DNAH11: variants seen among roughly 807,000 people sequenced by gnomAD.
The protein encoded by DNAH11 is axonemal beta dynein heavy chain 11.
In DNAH11, 442 loss-of-function variants were observed where a neutral mutation model predicts 526.0. The observed-to-expected ratio is 0.84, with a 90% CI of 0.78 to 0.91. The LOEUF is 0.91. DNAH11 is among the 40% of genes least tolerant of loss of function. DNAH11 has a pLI of 0.00. For missense variants in DNAH11, 6,989 were observed against 5,448.7 expected (o/e 1.28, Z -8.90); for synonymous variants, 2,461 against 1,935.9 (o/e 1.27, Z -7.12).
chr7:21,582,300 A>G (rs528845723), intron 9 of DNAH11, among the ~76,000 whole-genome samples: 12 of 152,336 alleles, frequency 7.9e-5, no homozygotes, highest in Non-Finnish European at 1.6e-4. Context: ...TGGCCAATGA[A>G]ATATTGATTC....
intron 6 of DNAH11, among the ~76,000 whole-genome samples, chr7:21,567,632 G>T (rs1783722207): frequency 6.6e-6 from 1 of 152,212 alleles, no homozygotes; most frequent in East Asian, 1.9e-4. Flanking sequence ...GTGCTGTGTA[G>T]ATGACCATGA....
At chr7:21,754,170 A>G (rs1786528402) in intron 54 of DNAH11, among the ~76,000 whole-genome samples, 1 of 152,132 alleles carries the variant, frequency 6.6e-6, no homozygotes, top group Admixed American at 6.6e-5. Flanking sequence ...AATAGTAGGA[A>G]TTCTGTCTTG....
chr7:21,615,982 G>A (rs1191611407), intron 21 of DNAH11, among the ~76,000 whole-genome samples: 2 of 152,094 alleles, frequency 1.3e-5, no homozygotes, highest in South Asian at 2.1e-4. Context: ...ATTTATCATC[G>A]CTACTAGAAA....
At chr7:21,857,323 C>T (rs938152078) in intron 68 of DNAH11, among the ~76,000 whole-genome samples, 2 of 151,998 alleles carry the variant, frequency 1.3e-5, no homozygotes, top group African/African-American at 4.8e-5. Context: ...TAAAGAAGTC[C>T]TAACTAAATA....
At chr7:21,769,641 C>T (rs376219275) in intron 55 of DNAH11, among the ~76,000 whole-genome samples, 3 of 152,008 alleles carry the variant, frequency 2.0e-5, no homozygotes, top group Non-Finnish European at 2.9e-5. Flanking sequence ...CACACCACCA[C>T]GCCCTGCTAA....
chr7:21,642,302 A>T (rs1374963382), intron 28 of DNAH11, among the ~76,000 whole-genome samples: 2 of 152,184 alleles, frequency 1.3e-5, no homozygotes, highest in African/African-American at 4.8e-5. Context: ...ACCATCCAAG[A>T]GTGACTTGTT....
intron 6 of DNAH11, among the ~76,000 whole-genome samples, chr7:21,569,775 T>A (rs1289386996): frequency 2.0e-5 from 3 of 152,200 alleles, no homozygotes; most frequent in African/African-American, 7.2e-5. Context: ...GCAGGCACAG[T>A]CATGCAAATT....
chr7:21,719,481 G>T (rs1307385370), intron 43 of DNAH11, among the ~76,000 whole-genome samples: 1 of 152,204 alleles, frequency 6.6e-6, no homozygotes, highest in African/African-American at 2.4e-5. Context: ...TCAGCAGATA[G>T]CGTCACGTTG....
At chr7:21,714,979 C>A (rs1007066920) in intron 42 of DNAH11, among the ~76,000 whole-genome samples, 15 of 152,298 alleles carry the variant, frequency 9.8e-5, no homozygotes, top group Non-Finnish European at 2.2e-4. Context: ...GTCACTAGTA[C>A]TTTCACCTGT....
intron 68 of DNAH11, among the ~76,000 whole-genome samples, 182 bp downstream of exon 68, chr7:21,854,637 T>A (rs1038873327): frequency 1.3e-5 from 2 of 151,866 alleles, no homozygotes; most frequent in Non-Finnish European, 2.9e-5. Context: ...CTGCCTCCCA[T>A]ATTCAAGCAA....
chr7:21,824,007 A>G (rs1790166665), intron 65 of DNAH11, among the ~76,000 whole-genome samples: 1 of 151,958 alleles, frequency 6.6e-6, no homozygotes, highest in African/African-American at 2.4e-5. Flanking sequence ...AGATTCCTGT[A>G]TAAAGCTAGA....
At chr7:21,879,443 C>CA (rs555465637) in intron 74 of DNAH11, among the ~76,000 whole-genome samples, 11 of 150,114 alleles carry the variant, frequency 7.3e-5, no homozygotes, top group African/African-American at 2.7e-4. Flanking sequence ...GACTCCATCT[C>CA]AAAAAAACAA....
chr7:21,615,328 A>G, intron 21 of DNAH11, 56 bp downstream of exon 21: 2 of 1,579,096 alleles, frequency 1.3e-6, no homozygotes, highest in South Asian at 1.2e-5. Context: ...TTACATATGC[A>G]GTTTGTGGAG....
At chr7:21,731,359 T>C (rs1785376830) in intron 45 of DNAH11, among the ~76,000 whole-genome samples, 1 of 151,978 alleles carries the variant, frequency 6.6e-6, no homozygotes, top group Non-Finnish European at 1.5e-5. Flanking sequence ...CAACTGCACA[T>C]AGAAAGATGA....
Position 21,591,012 on chromosome 7 carries a change from C to T in DNAH11, c.2264C>T (p.Thr755Ile), listed in dbSNP as rs763794987. ...SALAIFKKRN[T>I]ILKYIGNLDL... is the part of the protein sequence containing the mutation. ...TTAGCCATCTTCAAGAAAAGGAACA[C>T]TATTTTAAAGGTTTGTGATTTTTGT... Residue 755 changes from threonine to isoleucine, a missense_variant, in exon 13 of 82, where the codon ACT becomes ATT. Thr to Ile is a moderately conservative substitution (Grantham distance 89). Coordinates refer to ENST00000409508, the MANE Select transcript of DNAH11 (RefSeq NM_001277115.2). The T allele has an allele frequency of 6.6e-7, 1 of 1,506,144 alleles. No homozygotes were observed. The highest frequency in any genetic ancestry group is 2.5e-5 in the East Asian group (1 of 39,256). 93.3% of individuals were successfully genotyped at this position (1,506,144 alleles called of 1,614,324 possible). A position where few individuals can be genotyped will look rare whatever the true frequency, so the allele number is the denominator to read the frequency against.
rs368290036 is a variant in DNAH11, at chr7:21,558,926, C to G, written c.620C>G (p.Ser207Cys). The change falls in exon 3 of 82, where the codon TCT becomes TGT. Residue 207 changes from serine (S) to cysteine (C), a missense_variant. By Grantham distance (112) the Ser-to-Cys change is moderately radical. Coordinates refer to ENST00000409508, the MANE Select transcript of DNAH11 (RefSeq NM_001277115.2). Reference sequence around the variant, plus strand: ...ATGTATATTTTTAGGGGCAAAATGTCTAGAAGAACTCTTCTACCAATTCCC... The same window carrying G: ...ATGTATATTTTTAGGGGCAAAATGTGTAGAAGAACTCTTCTACCAATTCCC... Reference protein sequence around the residue: ...KKMYIFRGKMSRRTLLPIPTV... With the variant: ...KKMYIFRGKMCRRTLLPIPTV... 5 of 1,598,156 alleles carry G rather than the reference C, an allele frequency of 3.1e-6. No homozygotes were observed. The highest frequency in any genetic ancestry group is 3.4e-6 in the Non-Finnish European group (4 of 1,171,626).
intron 25 of DNAH11, among the ~76,000 whole-genome samples, chr7:21,629,901 T>A (rs745962650): frequency 6.6e-6 from 1 of 152,176 alleles, no homozygotes; most frequent in Admixed American, 6.5e-5. Flanking sequence ...AATTGGATAA[T>A]TGAGTCCATT....
intron 81 of DNAH11, 77 bp from the exon 82 acceptor site, chr7:21,900,930 G>A (rs761854523): frequency 6.5e-6 from 9 of 1,392,504 alleles, no homozygotes; most frequent in Middle Eastern, 3.8e-4. Flanking sequence ...AATGTTTATT[G>A]CATCAAACAA....
At chr7:21,560,943 T>C (rs984374385) in intron 4 of DNAH11, 128 bp from the exon 5 acceptor site, 2 of 643,580 alleles carry the variant, frequency 3.1e-6, no homozygotes, top group Non-Finnish European at 5.2e-6. Flanking sequence ...AAACCAGATA[T>C]AACTTTGAGT....
Sources: gnomAD v4.1 joint callset for allele counts (sites outside exome capture counted in the v4.1 genomes callset) on GRCh38, gnomAD v4.1.1 for gene constraint, MANE v1.5 for transcripts, NCBI Gene and HGNC (gene_info 2026-07-23, HGNC 2026-07-21) for gene names.